CDH7: variants seen among roughly 807,000 people sequenced by gnomAD.
CDH7 encodes the protein cadherin-7.
A neutral mutation model predicts 71.8 loss-of-function variants in CDH7; 25 were observed. That is an observed-to-expected ratio of 0.35 (90% CI 0.25 to 0.49). The LOEUF is 0.49. Among genes scored for constraint, CDH7 ranks in the 20% least tolerant of loss-of-function variants. The pLI is 0.99. For missense variants in CDH7, 862 were observed against 974.6 expected, an observed-to-expected ratio of 0.88 and a Z score of 1.54; for synonymous variants, 381 against 363.8, an observed-to-expected ratio of 1.05 and a Z score of -0.54.
At chr18:65,810,827 A>G (rs1223807473) in intron 3 of CDH7, among the ~76,000 whole-genome samples, 1 of 152,182 alleles carries the variant, frequency 6.6e-6, no homozygotes. Flanking sequence ...ATTTATAGCA[A>G]CGGTAAGGAG....
intron 2 of CDH7, among the ~76,000 whole-genome samples, chr18:65,800,829 A>C (rs1599015615): frequency 6.6e-6 from 1 of 152,300 alleles, no homozygotes; most frequent in African/African-American, 2.4e-5. Context: ...TTACTCAGTC[A>C]GAGTATCCCT....
chr18:65,885,395 T>TTTTTTTTTTTTTTTTTA lies in CDH7; in HGVS notation c.*4501_*4502insTTTTTTTTTTTTTTTTA, dbSNP rs1914349214. 2 of 144,036 alleles carry TTTTTTTTTTTTTTTTTA rather than the reference T, an allele frequency of 1.4e-5. No homozygotes were observed. Among genetic ancestry groups the TTTTTTTTTTTTTTTTTA allele is most frequent in the African/African-American group, 5.2e-5 (2 of 38,728 alleles). The allele number at this position is 144,036 out of a possible 1,614,324, so 8.9% of individuals were successfully genotyped here. ...GTGTTTTTTTTTTTTTTTTTTTTTT[T>TTTTTTTTTTTTTTTTTA]GACGTGGAGTCTCGCTCTGTCGCCC... is the stretch of plus-strand genomic sequence containing the variant. On this transcript the variant is annotated 3_prime_UTR_variant, in exon 12 of 12. Transcript: ENST00000397968.
At chr18:65,801,723 C>T (rs1911131975) in intron 2 of CDH7, among the ~76,000 whole-genome samples, 1 of 152,090 alleles carries the variant, frequency 6.6e-6, no homozygotes, top group African/African-American at 2.4e-5. Context: ...TCCATTAGGC[C>T]ACATTGAACA....
At chr18:65,829,327 C>A (rs1912249187) in intron 6 of CDH7, among the ~76,000 whole-genome samples, 1 of 152,094 alleles carries the variant, frequency 6.6e-6, no homozygotes, top group Middle Eastern at 3.4e-3. Flanking sequence ...ACCGTGTTAG[C>A]CAGGATGGTC....
chr18:65,845,914 A>G (rs1242819662), intron 7 of CDH7, among the ~76,000 whole-genome samples: 1 of 151,960 alleles, frequency 6.6e-6, no homozygotes, highest in African/African-American at 2.4e-5. Flanking sequence ...AGCCTGGACA[A>G]CATAGTGAGA....
chr18:65,807,285 C>T (rs939606066), intron 2 of CDH7, among the ~76,000 whole-genome samples: 5 of 152,102 alleles, frequency 3.3e-5, no homozygotes, highest in African/African-American at 9.7e-5. Flanking sequence ...GGTTGAAGTT[C>T]ACAGTCAGGG....
intron 6 of CDH7, among the ~76,000 whole-genome samples, chr18:65,840,074 A>C (rs558340503): frequency 6.6e-6 from 1 of 152,244 alleles, no homozygotes; most frequent in Non-Finnish European, 1.5e-5. Context: ...TTCATGTGGC[A>C]GAGAATGTAC....
At position 65,762,884 on chromosome 18, in the gene CDH7, A is replaced by G; in HGVS notation, c.42A>G (p.Leu14=). The change falls in exon 2 of 12, where the codon CTA becomes CTG. Residue 14 remains leucine, a synonymous_variant. Transcript: ENST00000397968. ...GKVEFCHFLQ[L]IALFLCFSGM... is the part of the protein sequence containing the mutation. ...TGGAGTTCTGCCATTTTCTGCAGCT[A>G]ATAGCTCTTTTCCTGTGTTTTTCTG... 2 of 1,613,238 alleles carry G rather than the reference A, an allele frequency of 1.2e-6. No individual in the cohort carries two copies. Among genetic ancestry groups the G allele is most frequent in the Non-Finnish European group, 1.7e-6 (2 of 1,179,660 alleles).
chr18:65,802,896 A>T (rs1251895131), intron 2 of CDH7, among the ~76,000 whole-genome samples: 1 of 152,130 alleles, frequency 6.6e-6, no homozygotes, highest in Non-Finnish European at 1.5e-5. Flanking sequence ...GTGTCGGTGA[A>T]CATGAAGCTC....
rs565082760 is a variant in CDH7, at chr18:65,877,862, T to C, written c.1865-2539T>C. Among the ~76,000 whole-genome samples, 33 of 152,314 alleles carry C rather than the reference T, an allele frequency of 2.2e-4. No homozygotes were observed. The South Asian group carries it at 6.8e-3, about 32-fold the overall frequency. On this transcript the variant is annotated intron_variant, in intron 11 of 11. Transcript: ENST00000397968. The stretch of plus-strand genomic sequence containing the variant: ...TTATTCATCCATGTATTTTAAAAAT[T>C]GTTGTCTTTCTTGAGCAAGCAAATT...
chr18:65,865,439 C>T (rs1433388753), intron 11 of CDH7: 1 of 152,076 alleles, frequency 6.6e-6, no homozygotes, highest in African/African-American at 2.4e-5. Context: ...TCTTCCACTT[C>T]TAAGGATCAA....
intron 6 of CDH7, among the ~76,000 whole-genome samples, chr18:65,835,270 G>A (rs1912494136): frequency 6.6e-6 from 1 of 152,194 alleles, no homozygotes; most frequent in African/African-American, 2.4e-5. Context: ...GATTCAGGTA[G>A]TGAAGGGAAA....
intron 2 of CDH7, among the ~76,000 whole-genome samples, chr18:65,786,071 G>A: frequency 6.6e-6 from 1 of 152,134 alleles, no homozygotes; most frequent in East Asian, 1.9e-4. Flanking sequence ...ATTGATCTGA[G>A]CTAGAGCTGC....
intron 10 of CDH7, among the ~76,000 whole-genome samples, chr18:65,860,275 A>C (rs1431124016): frequency 6.6e-6 from 1 of 152,162 alleles, no homozygotes; most frequent in Non-Finnish European, 1.5e-5. Context: ...TTTTTACATA[A>C]ATGCAAATGT....
chr18:65,824,813 A>G lies in CDH7; in HGVS notation c.963A>G (p.Gly321=), dbSNP rs747171025. 1 of 1,608,896 alleles carries G rather than the reference A, an allele frequency of 6.2e-7. No individual in the cohort carries two copies. Among genetic ancestry groups the G allele is most frequent in the African/African-American group, 1.3e-5 (1 of 74,888 alleles). The change falls in exon 6 of 12, where the codon GGA becomes GGG. Residue 321 remains glycine, a synonymous_variant. Coordinates refer to ENST00000397968, the MANE Select transcript of CDH7 (RefSeq NM_004361.5). The part of the protein sequence containing the change: ...KISVDKETQE[G]IITIQKELDF... Reference sequence around the variant, plus strand: ...CTGTTGACAAAGAAACCCAGGAAGGAATCATTACTATACAGAAGGTAATGT... The same window carrying G: ...CTGTTGACAAAGAAACCCAGGAAGGGATCATTACTATACAGAAGGTAATGT...
chr18:65,808,824 T>C (rs1261893485), intron 2 of CDH7, among the ~76,000 whole-genome samples: 2 of 152,174 alleles, frequency 1.3e-5, no homozygotes, highest in African/African-American at 4.8e-5. Flanking sequence ...ATGGCAGTTA[T>C]AGGGGGTGAA....
intron 2 of CDH7, among the ~76,000 whole-genome samples, chr18:65,800,913 A>C (rs1249095373): frequency 6.6e-6 from 1 of 152,160 alleles, no homozygotes; most frequent in African/African-American, 2.4e-5. Flanking sequence ...TTGTGAAACT[A>C]ACTCTTAGGA....
chr18:65,771,203 G>A (rs1025115079), intron 2 of CDH7, among the ~76,000 whole-genome samples: 1 of 152,106 alleles, frequency 6.6e-6, no homozygotes, highest in African/African-American at 2.4e-5. Flanking sequence ...ATTCTGAAAG[G>A]GGGAGGGTCA....
At chr18:65,824,929 C>T in intron 6 of CDH7, 98 bp downstream of exon 6, 1 of 705,450 alleles carries the variant, frequency 1.4e-6, no homozygotes, top group Non-Finnish European at 2.2e-6. Context: ...CCATATGGGA[C>T]CATTACTATT....
Sources: gnomAD v4.1 joint callset for allele counts (sites outside exome capture counted in the v4.1 genomes callset) on GRCh38, gnomAD v4.1.1 for gene constraint, MANE v1.5 for transcripts, NCBI Gene and HGNC (gene_info 2026-07-23, HGNC 2026-07-21) for gene names.